The following B3GALT1 variants were observed in gnomAD, a reference collection of about 807,000 sequenced individuals.
B3GALT1 encodes the protein beta-1,3-galactosyltransferase 1.
A neutral mutation model predicts 23.2 loss-of-function variants in B3GALT1; 10 were observed. The ratio of observed to expected loss-of-function variants is 0.43; its 90% CI spans 0.27 to 0.73. B3GALT1 has a LOEUF of 0.73. Ranked by LOEUF, B3GALT1 falls within the 30% of genes least tolerant of loss-of-function variation. B3GALT1 has a pLI of 0.21. For synonymous variants in B3GALT1, 156 were observed against 141.5 expected (o/e 1.10, Z -0.73); for missense variants, 299 against 405.4 (o/e 0.74, Z 2.25).
chr2:167,689,774 G>C (rs940965099), intron 3 of B3GALT1, among the ~76,000 whole-genome samples: 2 of 152,066 alleles, frequency 1.3e-5, no homozygotes, highest in Non-Finnish European at 2.9e-5. Context: ...ATGAGACATG[G>C]TCTATTTCTG....
intron 1 of B3GALT1, among the ~76,000 whole-genome samples, chr2:167,346,676 G>A (rs73017764): frequency 0.013 from 1,969 of 151,912 alleles, 28 homozygotes; most frequent in Admixed American, 0.035. Context: ...TTCTTTGGGT[G>A]TGTAAAACTA....
intron 3 of B3GALT1, among the ~76,000 whole-genome samples, chr2:167,724,506 T>C (rs962244264): frequency 6.6e-6 from 1 of 152,202 alleles, no homozygotes; most frequent in African/African-American, 2.4e-5. Context: ...CTTTTTGATC[T>C]CTGACCCTTT....
rs1424748703 is a variant in B3GALT1, at chr2:167,646,902, G to A, written c.-409-7G>A. On this transcript the variant is annotated splice_region_variant and splice_polypyrimidine_tract_variant and intron_variant, in intron 2 of 4. Transcript: ENST00000392690. ...CTAAATGTATTTTTTTTCTTCTCTT[G>A]AAAAAGTTCTCTTGCTGTGCTGCTG... Among the ~76,000 whole-genome samples, 3 of 151,894 alleles carry A rather than the reference G, an allele frequency of 2.0e-5. No homozygotes were observed. The highest frequency in any genetic ancestry group is 4.4e-5 in the Non-Finnish European group (3 of 67,966).
chr2:167,634,342 C>G (rs1045627029), intron 2 of B3GALT1, among the ~76,000 whole-genome samples: 1 of 151,968 alleles, frequency 6.6e-6, no homozygotes, highest in African/African-American at 2.4e-5. Context: ...CAAGAAATAA[C>G]TAAGATCAGA....
rs150605806 is a variant in B3GALT1 at position 167,649,391 on chromosome 2, A to C, written c.-352+2425A>C. Among the ~76,000 whole-genome samples the C allele has an allele frequency of 6.1e-3, 923 of 152,152 alleles. 6 individuals are homozygous for C. Among genetic ancestry groups the C allele is most frequent in the African/African-American group, 0.021 (877 of 41,524 alleles). On this transcript the variant is annotated intron_variant, in intron 3 of 4. Coordinates refer to ENST00000392690, the MANE Select transcript of B3GALT1 (RefSeq NM_020981.4). ...TTCACAATGGTGTGCAATCATCACTACCTTAAAGTTTTAAAATATTTTTGT... is the reference window on the plus strand; with the variant it reads ...TTCACAATGGTGTGCAATCATCACTCCCTTAAAGTTTTAAAATATTTTTGT...
rs761945094 is a variant in B3GALT1 at position 167,869,288 on chromosome 2, C to T, written c.249C>T (p.Leu83=). The change falls in exon 5 of 5, where the codon CTC becomes CTT. Residue 83 remains leucine, a synonymous_variant. Transcript: ENST00000392690. This position sits in a 1 kb window ranked among gnomAD's most constrained non-coding sequence, Gnocchi z 6.4. ...CEKNIPFLVI[L]ISTTHKEFDA... ...AAAACATTCCTTTTCTTGTTATCCT[C>T]ATCAGCACCACTCACAAGGAATTTG... 33 of 1,614,170 alleles carry T rather than the reference C, an allele frequency of 2.0e-5. No homozygotes were observed. The highest frequency in any genetic ancestry group is 2.8e-5 in the Non-Finnish European group (33 of 1,180,036).
intron 2 of B3GALT1, among the ~76,000 whole-genome samples, chr2:167,620,662 G>A (rs764862939): frequency 2.6e-5 from 4 of 151,950 alleles, no homozygotes; most frequent in South Asian, 4.1e-4. Context: ...CAATCAATGC[G>A]CACATTCCCA....
intron 4 of B3GALT1, among the ~76,000 whole-genome samples, chr2:167,852,655 G>A (rs1423635311): frequency 6.6e-6 from 1 of 152,160 alleles, no homozygotes; most frequent in Non-Finnish European, 1.5e-5. Flanking sequence ...ATGGCACAGT[G>A]AAAAGGGCTA....
intron 1 of B3GALT1, among the ~76,000 whole-genome samples, chr2:167,299,465 T>C (rs1168083746): frequency 6.6e-6 from 1 of 152,234 alleles, no homozygotes; most frequent in Non-Finnish European, 1.5e-5. Context: ...CTTTAGTTTT[T>C]ATTTTTATAA....
At chr2:167,543,211 T>A (rs1216353886) in intron 2 of B3GALT1, among the ~76,000 whole-genome samples, 1 of 152,154 alleles carries the variant, frequency 6.6e-6, no homozygotes, top group African/African-American at 2.4e-5. Flanking sequence ...ATAAACAGAA[T>A]AAGGTGAGAA....
chr2:167,675,433 C>G (rs781522674), intron 3 of B3GALT1, among the ~76,000 whole-genome samples: 2 of 152,150 alleles, frequency 1.3e-5, no homozygotes, highest in African/African-American at 4.8e-5. Flanking sequence ...TACATGCAAT[C>G]TAAAGGAAAA....
intron 2 of B3GALT1, among the ~76,000 whole-genome samples, chr2:167,579,244 C>T (rs557911543): frequency 3.3e-5 from 5 of 152,080 alleles, no homozygotes; most frequent in South Asian, 2.1e-4. Context: ...TCAGTACCCT[C>T]TTTTCAATCC....
chr2:167,522,749 CA>C (rs1253345975), intron 2 of B3GALT1, among the ~76,000 whole-genome samples: 2 of 152,082 alleles, frequency 1.3e-5, no homozygotes, highest in African/African-American at 4.8e-5. Flanking sequence ...CTAACCTTCC[CA>C]AGTCCAAAAT....
chr2:167,802,768 G>T (rs116515798), intron 3 of B3GALT1, among the ~76,000 whole-genome samples: 2 of 151,946 alleles, frequency 1.3e-5, no homozygotes, highest in African/African-American at 4.8e-5. Context: ...TTAGAGCAAC[G>T]CATGTAATCC....
chr2:167,746,656 T>C (rs1416142849), intron 3 of B3GALT1, among the ~76,000 whole-genome samples: 2 of 152,244 alleles, frequency 1.3e-5, no homozygotes, highest in African/African-American at 4.8e-5. Context: ...CAATTAATAA[T>C]ATCTGGTAAA....
chr2:167,509,192 A>G (rs906303431), intron 2 of B3GALT1, among the ~76,000 whole-genome samples: 2 of 152,232 alleles, frequency 1.3e-5, no homozygotes, highest in Non-Finnish European at 2.9e-5. Flanking sequence ...GCACATAGGA[A>G]AAGAAATGAG....
At chr2:167,843,153 C>T (rs1689683768) in intron 4 of B3GALT1, among the ~76,000 whole-genome samples, 1 of 152,124 alleles carries the variant, frequency 6.6e-6, no homozygotes, top group African/African-American at 2.4e-5. Flanking sequence ...AATTAAAAAT[C>T]CTGATAAGTA....
intron 1 of B3GALT1, among the ~76,000 whole-genome samples, chr2:167,403,916 A>T (rs1265718502): frequency 1.3e-5 from 2 of 152,188 alleles, no homozygotes; most frequent in East Asian, 3.9e-4. Flanking sequence ...CCAAGAAGCA[A>T]GGACAGATGC....
At chr2:167,836,830 C>T (rs542764104) in intron 4 of B3GALT1, among the ~76,000 whole-genome samples, 3 of 152,262 alleles carry the variant, frequency 2.0e-5, no homozygotes, top group African/African-American at 2.4e-5. Flanking sequence ...GCGGATCTCT[C>T]GGGAGAAACT....
Sources: gnomAD v4.1 joint callset for allele counts (sites outside exome capture counted in the v4.1 genomes callset) on GRCh38, gnomAD v4.1.1 for gene constraint, Gnocchi (gnomAD v3.1) non-coding constraint, MANE v1.5 for transcripts, NCBI Gene and HGNC (gene_info 2026-07-23, HGNC 2026-07-21) for gene names.